Variants in SLC23A2 observed in about 807,000 individuals in gnomAD.
The protein encoded by SLC23A2 is solute carrier family 23 member 2.
In SLC23A2, 36 loss-of-function variants were observed where a neutral mutation model predicts 73.3. The ratio of observed to expected loss-of-function variants is 0.49; its 90% CI spans 0.38 to 0.65. The LOEUF is 0.65. Among genes scored for constraint, SLC23A2 ranks in the 30% least tolerant of loss-of-function variants. SLC23A2 has a pLI of 0.00. For synonymous variants in SLC23A2, 343 were observed against 327.3 expected, an observed-to-expected ratio of 1.05 and a Z score of -0.52; for missense variants, 507 against 841.6, an observed-to-expected ratio of 0.60 and a Z score of 4.92.
At chr20:4,984,330 G>A (rs1402290511) in intron 1 of SLC23A2, among the ~76,000 whole-genome samples, 4 of 152,040 alleles carry the variant, frequency 2.6e-5, no homozygotes, top group South Asian at 2.1e-4. Context: ...CGAGGCGGGT[G>A]GATCACAAGG....
At chr20:4,936,958 G>C (rs2086970328) in intron 2 of SLC23A2, among the ~76,000 whole-genome samples, 1 of 152,166 alleles carries the variant, frequency 6.6e-6, no homozygotes, top group African/African-American at 2.4e-5. Context: ...GAGGACTGCA[G>C]GGCTCAGGAA....
chr20:4,879,408 CAAAAA>C (rs111565515), intron 9 of SLC23A2, among the ~76,000 whole-genome samples: 2 of 43,004 alleles, frequency 4.7e-5, no homozygotes, highest in Non-Finnish European at 8.7e-5. Context: ...AACTCTGTCT[CAAAAA>C]AAAAAAAAAA....
chr20:4,910,625 G>A lies in SLC23A2; in HGVS notation c.207+2255C>T, dbSNP rs550498345. On this transcript the variant is annotated intron_variant, in intron 4 of 16. Transcript: ENST00000338244. ...TAATTTTTGTGTCTTTAGTAGAGAC[G>A]GGGTTTCGCCATGTTGGCCAGGCTG... Among the ~76,000 whole-genome samples the A allele has an allele frequency of 3.0e-3, 462 of 152,138 alleles. 1 individual carries two copies. Among genetic ancestry groups the A allele is most frequent in the African/African-American group, 0.011 (442 of 41,510 alleles).
intron 3 of SLC23A2, among the ~76,000 whole-genome samples, chr20:4,920,293 T>A (rs980317472): frequency 1.3e-5 from 2 of 152,238 alleles, no homozygotes; most frequent in Admixed American, 6.5e-5. Flanking sequence ...TACCTACTAA[T>A]CGGGACAAGA....
At chr20:4,860,052 T>C (rs982040147) in intron 15 of SLC23A2, among the ~76,000 whole-genome samples, 2 of 152,156 alleles carry the variant, frequency 1.3e-5, no homozygotes, top group South Asian at 2.1e-4. Context: ...GCAGCCGCCA[T>C]GAAAAAGTTT....
chr20:5,002,156 G>A (rs954934738), upstream of SLC23A2, among the ~76,000 whole-genome samples: 1 of 152,146 alleles, frequency 6.6e-6, no homozygotes, highest in East Asian at 1.9e-4. Flanking sequence ...GAGGTTCTTG[G>A]ACCGCTAAGC....
At chr20:4,894,306 C>T (rs1042696300) in intron 6 of SLC23A2, among the ~76,000 whole-genome samples, 2 of 152,056 alleles carry the variant, frequency 1.3e-5, no homozygotes, top group Non-Finnish European at 2.9e-5. Flanking sequence ...GCTGCCTTTC[C>T]CTAAGCAAAG....
rs1301291618 is a variant in SLC23A2, at chr20:4,862,416, A to C, written c.1487-331T>G. On this transcript the variant is annotated intron_variant, in intron 14 of 16. Transcript: ENST00000338244. This position sits in a 1 kb window ranked among gnomAD's most constrained non-coding sequence, Gnocchi z 5.1. ...GGAGACCTACCTAAATATCTGGTGC[A>C]TGTCTCTGGTTATTACAGCTAAATG... Among the ~76,000 whole-genome samples, 1 of 152,240 alleles carries C rather than the reference A, an allele frequency of 6.6e-6. No homozygotes were observed. The highest frequency in any genetic ancestry group is 1.5e-5 in the Non-Finnish European group (1 of 68,034).
At chr20:5,006,878 T>C (rs2088197334) in intron 1 of SLC23A2, among the ~76,000 whole-genome samples, 1 of 152,044 alleles carries the variant, frequency 6.6e-6, no homozygotes, top group Admixed American at 6.6e-5. Flanking sequence ...TCACACTTTC[T>C]ACATCTGTCT....
chr20:4,859,245 A>T, intron 16 of SLC23A2, 44 bp downstream of exon 16: 2 of 1,178,756 alleles, frequency 1.7e-6, no homozygotes, highest in Non-Finnish European at 2.4e-6. Flanking sequence ...CACATATGTT[A>T]AAAAATAAAA....
rs141965313 is a variant in SLC23A2, at chr20:4,947,019, C to T, written c.-154-14303G>A. Reference sequence around the variant, plus strand: ...ACCATCTTAAGCCTCGTCATCCTGGCCATTTCTCCTCAGTGCCAGGTGCTG... The same window carrying T: ...ACCATCTTAAGCCTCGTCATCCTGGTCATTTCTCCTCAGTGCCAGGTGCTG... On this transcript the variant is annotated intron_variant, in intron 2 of 16. Transcript: ENST00000338244. This position sits in a 1 kb window ranked among gnomAD's most constrained non-coding sequence, Gnocchi z 4.4. Among the ~76,000 whole-genome samples the T allele has an allele frequency of 2.4e-3, 367 of 152,304 alleles. 2 individuals carry two copies. The highest frequency in any genetic ancestry group is 8.4e-3 in the African/African-American group (348 of 41,562).
At chr20:4,922,603 G>C (rs1303911008) in intron 3 of SLC23A2, among the ~76,000 whole-genome samples, 1 of 152,120 alleles carries the variant, frequency 6.6e-6, no homozygotes, top group Non-Finnish European at 1.5e-5. Context: ...GAGGCAGGAG[G>C]ATCACTTGAG....
intron 4 of SLC23A2, among the ~76,000 whole-genome samples, chr20:4,908,827 C>T (rs548637193): frequency 6.6e-6 from 1 of 152,288 alleles, no homozygotes; most frequent in Admixed American, 6.5e-5. Context: ...ACTTGGGAGG[C>T]TCAGGCTGAG....
At chr20:4,891,698 G>C (rs185027214) in intron 6 of SLC23A2, among the ~76,000 whole-genome samples, 1 of 152,236 alleles carries the variant, frequency 6.6e-6, no homozygotes, top group African/African-American at 2.4e-5. Context: ...AAGATAAACA[G>C]AGTCAGCCAC....
chr20:4,961,553 TA>T (rs111846892), intron 2 of SLC23A2, among the ~76,000 whole-genome samples: 2 of 152,170 alleles, frequency 1.3e-5, no homozygotes, highest in Non-Finnish European at 1.5e-5. Context: ...GCGATTTTTT[TA>T]AAGCTCATCA....
At chr20:4,914,797 T>G (rs1344553772) in intron 3 of SLC23A2, among the ~76,000 whole-genome samples, 2 of 152,126 alleles carry the variant, frequency 1.3e-5, no homozygotes, top group Admixed American at 6.6e-5. Flanking sequence ...TCCTGGCACT[T>G]TGGAAGGCTG....
In SLC23A2 at chr20:4,854,960, G is replaced by A. The variant is rs1206708327; in HGVS notation, c.*2012C>T. Reference sequence around the variant, plus strand: ...ATGTTGAGCAAAATCCAAACAGAAGGAACTGAGAGCAACTCATTGCAGGAG... The same window carrying A: ...ATGTTGAGCAAAATCCAAACAGAAGAAACTGAGAGCAACTCATTGCAGGAG... On this transcript the variant is annotated 3_prime_UTR_variant, in exon 17 of 17. Transcript: ENST00000338244. 1 of 152,536 alleles carries A rather than the reference G, an allele frequency of 6.6e-6. No homozygotes were observed. Among genetic ancestry groups the A allele is most frequent in the Non-Finnish European group, 1.5e-5 (1 of 68,044 alleles). 9.4% of individuals were successfully genotyped at this position (152,536 alleles called of 1,614,324 possible).
intron 2 of SLC23A2, among the ~76,000 whole-genome samples, chr20:4,955,845 T>TAA (rs552938835): frequency 6.8e-6 from 1 of 147,986 alleles, no homozygotes; most frequent in Non-Finnish European, 1.5e-5. Context: ...GATTGAGCTT[T>TAA]AAAAAAAAAA....
intron 2 of SLC23A2, among the ~76,000 whole-genome samples, chr20:4,968,316 T>G (rs2087507318): frequency 6.6e-6 from 1 of 152,118 alleles, no homozygotes; most frequent in African/African-American, 2.4e-5. Flanking sequence ...ATGCGTCTTT[T>G]GGGCGCTGAA....
Sources: gnomAD v4.1 joint callset for allele counts (sites outside exome capture counted in the v4.1 genomes callset) on GRCh38, gnomAD v4.1.1 for gene constraint, Gnocchi (gnomAD v3.1) non-coding constraint, MANE v1.5 for transcripts, NCBI Gene and HGNC (gene_info 2026-07-23, HGNC 2026-07-21) for gene names.